The following TEX36 variants were observed in gnomAD, a reference collection of about 807,000 sequenced individuals.
TEX36 encodes testis-expressed protein 36.
Under a neutral mutation model 13.6 loss-of-function variants are expected in TEX36, and 12 were observed. The ratio of observed to expected loss-of-function variants is 0.88; its 90% CI spans 0.56 to 1.43. The LOEUF (loss-of-function observed/expected upper bound fraction) is 1.43, where lower values mean the gene tolerates loss of function less well. TEX36 is among the 40% of genes most tolerant of loss of function. The pLI is 0.00. For missense variants in TEX36, 224 were observed against 228.3 expected (o/e 0.98, Z 0.12); for synonymous variants, 93 against 83.0 (o/e 1.12, Z -0.65).
intron 1 of TEX36, 105 bp from the exon 2 acceptor site, chr10:125,662,082 T>C: frequency 7.0e-7 from 1 of 1,420,856 alleles, no homozygotes; most frequent in South Asian, 1.4e-5. Context: ...TTTGGGTGCT[T>C]TTGGCATGCA....
rs148581898 is a variant in TEX36 at position 125,597,621 on chromosome 10, A to G, written c.265-20747T>C. ...CATAGGTGGATTCAGAGATTCTTTG[A>G]TTTGCAATTGGTCAAGGAAGCAAGG... On this transcript the variant is annotated intron_variant, in intron 3 of 3. Transcript: ENST00000532135. Among the ~76,000 whole-genome samples, 294 of 152,294 alleles carry G rather than the reference A, an allele frequency of 1.9e-3. 3 individuals carry two copies. Among genetic ancestry groups the G allele is most frequent in the African/African-American group, 6.8e-3 (283 of 41,556 alleles).
chr10:125,591,361 C>A (rs1846019378), intron 3 of TEX36, among the ~76,000 whole-genome samples: 1 of 152,156 alleles, frequency 6.6e-6, no homozygotes, highest in Admixed American at 6.5e-5. Flanking sequence ...GTCCCCAAAT[C>A]CCCCCAAACC....
At chr10:125,618,220 C>G (rs984638311), downstream of TEX36, among the ~76,000 whole-genome samples, 33 of 152,252 alleles carry the variant, frequency 2.2e-4, no homozygotes, top group South Asian at 4.1e-4. Context: ...AACTTCTTTG[C>G]CTTTGGTTTG....
downstream of TEX36, among the ~76,000 whole-genome samples, chr10:125,618,831 G>T (rs118151974): frequency 6.6e-6 from 1 of 151,622 alleles, no homozygotes; most frequent in Non-Finnish European, 1.5e-5. Context: ...CCTTGGCCAG[G>T]CGCGGTGGCT....
At chr10:125,638,192 TG>T (rs1846643152) in intron 3 of TEX36, among the ~76,000 whole-genome samples, 1 of 143,906 alleles carries the variant, frequency 6.9e-6, no homozygotes, top group Non-Finnish European at 1.5e-5. Flanking sequence ...CTGCCAGAAG[TG>T]GGTCTCCCTT....
At chr10:125,671,710 C>A (rs1383620247) in intron 1 of TEX36, among the ~76,000 whole-genome samples, 1 of 152,106 alleles carries the variant, frequency 6.6e-6, no homozygotes, top group Non-Finnish European at 1.5e-5. Context: ...GAAATGATAC[C>A]AGCTCTTTTT....
At chr10:125,639,608 G>C (rs7079093) in intron 3 of TEX36, among the ~76,000 whole-genome samples, 1 of 151,776 alleles carries the variant, frequency 6.6e-6, no homozygotes, top group South Asian at 2.1e-4. Context: ...AATGTGGGGG[G>C]GTGGGGGAAG....
intron 3 of TEX36, among the ~76,000 whole-genome samples, chr10:125,650,103 A>G (rs1846830471): frequency 6.6e-6 from 1 of 152,198 alleles, no homozygotes; most frequent in African/African-American, 2.4e-5. Flanking sequence ...CAGAAAGCTA[A>G]CAAGGATACC....
intron 3 of TEX36, among the ~76,000 whole-genome samples, chr10:125,649,176 G>A (rs1846816343): frequency 1.3e-5 from 2 of 152,158 alleles, no homozygotes; most frequent in Admixed American, 1.3e-4. Context: ...TACTCCTCGA[G>A]AAGTGCAACT....
At chr10:125,578,565 T>TAAACGGG (rs2133519074) in intron 3 of TEX36, 1 of 152,376 alleles carries the variant, frequency 6.6e-6, no homozygotes, top group South Asian at 2.1e-4. Flanking sequence ...TACCCAGCTT[T>TAAACGGG]AAACGGGCTC....
chr10:125,591,497 C>T (rs559336859), intron 3 of TEX36, among the ~76,000 whole-genome samples: 260 of 152,318 alleles, frequency 1.7e-3, no homozygotes, highest in African/African-American at 5.4e-3. Context: ...GCAGGATCCA[C>T]ACACTATCCT....
rs1291785229 is a variant in TEX36 at position 125,624,806 on chromosome 10, C to T, written c.265-3161G>A. On this transcript the variant is annotated intron_variant, in intron 3 of 3. Coordinates refer to the TEX36 transcript ENST00000526819. Reference sequence around the variant, plus strand: ...GTGAGAGGGGGCTCGGGGGCAGATCCCAGGGAAAGTGACTGTCCTTTCCGC... The same window carrying T: ...GTGAGAGGGGGCTCGGGGGCAGATCTCAGGGAAAGTGACTGTCCTTTCCGC... 2.0e-5 allele frequency among the ~76,000 whole-genome samples: 3 copies of T among 152,082 alleles called. No individual in the cohort carries two copies. The East Asian group carries it at 5.8e-4, about 29-fold the overall frequency.
chr10:125,641,526 C>T (rs969954688), intron 3 of TEX36, among the ~76,000 whole-genome samples: 1 of 152,222 alleles, frequency 6.6e-6, no homozygotes, highest in Non-Finnish European at 1.5e-5. Context: ...GGGTACTAGA[C>T]AGCCTCGCTA....
intron 3 of TEX36, among the ~76,000 whole-genome samples, chr10:125,579,932 G>A (rs1845864811): frequency 6.6e-6 from 1 of 152,180 alleles, no homozygotes; most frequent in Non-Finnish European, 1.5e-5. Flanking sequence ...TTAGCACAAT[G>A]TGAGAATGGA....
chr10:125,610,573 T>C (rs1846276497), intron 3 of TEX36, among the ~76,000 whole-genome samples: 1 of 148,852 alleles, frequency 6.7e-6, no homozygotes. Flanking sequence ...CTGAAATAAT[T>C]CTTCCTCTTT....
chr10:125,653,636 T>C (rs1263026373), downstream of TEX36, among the ~76,000 whole-genome samples: 1 of 151,902 alleles, frequency 6.6e-6, no homozygotes, highest in Non-Finnish European at 1.5e-5. Flanking sequence ...TAAAGTATAA[T>C]AATAATAATA....
chr10:125,590,673 T>A (rs1457987058), intron 3 of TEX36, among the ~76,000 whole-genome samples: 1 of 152,122 alleles, frequency 6.6e-6, no homozygotes, highest in Non-Finnish European at 1.5e-5. Flanking sequence ...AGTGCTCAGA[T>A]AAGATGATGT....
At chr10:125,578,345 A>G (rs1294525585) in intron 3 of TEX36, 4 of 152,230 alleles carry the variant, frequency 2.6e-5, no homozygotes, top group Middle Eastern at 3.2e-3. Flanking sequence ...GATGATGAAA[A>G]TAAATCCCTG....
At chr10:125,664,134 C>T (rs568266194) in intron 1 of TEX36, among the ~76,000 whole-genome samples, 17 of 152,098 alleles carry the variant, frequency 1.1e-4, no homozygotes, top group Non-Finnish European at 2.1e-4. Flanking sequence ...TTAACATTTC[C>T]TCCAGTTCCA....
Sources: gnomAD v4.1 joint callset for allele counts (sites outside exome capture counted in the v4.1 genomes callset) on GRCh38, gnomAD v4.1.1 for gene constraint, MANE v1.5 for transcripts, NCBI Gene and HGNC (gene_info 2026-07-23, HGNC 2026-07-21) for gene names.